The following SH3GL2 variants were observed in gnomAD, a reference collection of about 807,000 sequenced individuals.
SH3GL2 encodes endophilin-A1.
Under a neutral mutation model 46.0 loss-of-function variants are expected in SH3GL2, and 24 were observed. The ratio of observed to expected loss-of-function variants is 0.52; its 90% CI spans 0.38 to 0.73. The LOEUF is 0.73. Ranked by LOEUF, SH3GL2 falls within the 30% of genes least tolerant of loss-of-function variation. The pLI is 0.00. For missense variants in SH3GL2, 413 were observed against 424.2 expected (o/e 0.97, Z 0.23); for synonymous variants, 196 against 147.1 (o/e 1.33, Z -2.40).
chr9:17,634,319 T>G (rs568933766), intron 1 of SH3GL2, among the ~76,000 whole-genome samples: 1 of 151,890 alleles, frequency 6.6e-6, no homozygotes, highest in Non-Finnish European at 1.5e-5. Context: ...TCCTTTTAAC[T>G]ATGAGAAATC....
Position 17,608,400 on chromosome 9 carries a change from C to T in SH3GL2, c.45+29113C>T, listed in dbSNP as rs373983820. The stretch of plus-strand genomic sequence containing the variant: ...TGACCTCGTGATCTGCCCGCCTTGG[C>T]CTCCCAAAGTGTAAACTTTCCTCTT... On this transcript the variant is annotated intron_variant, in intron 1 of 8. Transcript: ENST00000380607. 7.2e-5 allele frequency among the ~76,000 whole-genome samples: 11 copies of T among 152,142 alleles called. No individual in the cohort carries two copies. The East Asian group carries it at 1.4e-3, about 19-fold the overall frequency.
At chr9:17,690,152 A>G (rs1341525753) in intron 1 of SH3GL2, among the ~76,000 whole-genome samples, 6 of 152,120 alleles carry the variant, frequency 3.9e-5, no homozygotes, top group Non-Finnish European at 8.8e-5. Context: ...CAGCAGTTGT[A>G]TACCTCTGAT....
intron 1 of SH3GL2, among the ~76,000 whole-genome samples, chr9:17,710,370 A>G (rs1323363515): frequency 6.6e-6 from 1 of 152,000 alleles, no homozygotes; most frequent in Non-Finnish European, 1.5e-5. Flanking sequence ...TCCTTATAAC[A>G]GCATGAGAAC....
intron 1 of SH3GL2, among the ~76,000 whole-genome samples, chr9:17,626,821 GTC>G (rs2134614570): frequency 6.6e-6 from 1 of 152,288 alleles, no homozygotes; most frequent in Non-Finnish European, 1.5e-5. Context: ...TACCTCCCGT[GTC>G]TCTCATAGAT....
Position 17,588,904 on chromosome 9 carries a change from C to CT in SH3GL2, c.45+9618dup, listed in dbSNP as rs540320984. Among the ~76,000 whole-genome samples the CT allele has an allele frequency of 3.7e-4, 57 of 152,324 alleles. No homozygotes were observed. In the East Asian group the frequency reaches 0.011, roughly 29 times the overall value. On this transcript the variant is annotated intron_variant, in intron 1 of 8. Coordinates refer to ENST00000380607, the MANE Select transcript of SH3GL2 (RefSeq NM_003026.5). Reference sequence around the variant, plus strand: ...GGCTGGAACTTGTAACATGGCCCCTCTGTGGTACACCTAAGAGAAATGGAA... The same window carrying CT: ...GGCTGGAACTTGTAACATGGCCCCTCTTGTGGTACACCTAAGAGAAATGGAA...
chr9:17,729,219 G>A (rs1230322532), intron 1 of SH3GL2, among the ~76,000 whole-genome samples: 10 of 152,154 alleles, frequency 6.6e-5, no homozygotes. Flanking sequence ...AATGACCGGT[G>A]ATGATGAGCT....
At chr9:17,617,208 G>A (rs1174385368) in intron 1 of SH3GL2, among the ~76,000 whole-genome samples, 1 of 152,194 alleles carries the variant, frequency 6.6e-6, no homozygotes, top group Non-Finnish European at 1.5e-5. Flanking sequence ...TAAGGAATAT[G>A]CTATTGGTGG....
At chr9:17,657,794 G>A (rs976268622) in intron 1 of SH3GL2, among the ~76,000 whole-genome samples, 22 of 152,174 alleles carry the variant, frequency 1.4e-4, no homozygotes, top group African/African-American at 4.3e-4. Context: ...GTTAAAATAT[G>A]TGAAGCCCTT....
intron 1 of SH3GL2, chr9:17,735,908 G>A (rs915068520): frequency 2.9e-5 from 5 of 174,940 alleles, no homozygotes; most frequent in African/African-American, 4.8e-5. Flanking sequence ...TGGGGGCAGT[G>A]GACAAGTACA....
intron 1 of SH3GL2, among the ~76,000 whole-genome samples, chr9:17,626,670 AATGTTAT>A (rs1159874306): frequency 6.6e-6 from 1 of 152,080 alleles, no homozygotes; most frequent in African/African-American, 2.4e-5. Flanking sequence ...TTAGATGCAA[AATGTTAT>A]ATGTTTGTAT....
At chr9:17,672,965 A>G (rs759548097) in intron 1 of SH3GL2, among the ~76,000 whole-genome samples, 4 of 152,156 alleles carry the variant, frequency 2.6e-5, no homozygotes, top group African/African-American at 2.4e-5. Context: ...AGAGAAGACT[A>G]CTGCCTGCTC....
chr9:17,735,378 C>T (rs545803866), intron 1 of SH3GL2, among the ~76,000 whole-genome samples: 86 of 152,166 alleles, frequency 5.7e-4, no homozygotes, highest in African/African-American at 2.0e-3. Context: ...CAGAAATGTC[C>T]ATTATTTATA....
chr9:17,766,286 A>G (rs1823316028), intron 3 of SH3GL2, among the ~76,000 whole-genome samples: 1 of 152,244 alleles, frequency 6.6e-6, no homozygotes, highest in African/African-American at 2.4e-5. Context: ...AGACAGCTGT[A>G]AAGTCATCCA....
intron 1 of SH3GL2, among the ~76,000 whole-genome samples, chr9:17,586,500 G>C (rs1169698551): frequency 6.6e-6 from 1 of 152,158 alleles, no homozygotes; most frequent in Non-Finnish European, 1.5e-5. Flanking sequence ...GTATTAGTCT[G>C]TTCTCATGTT....
Position 17,789,441 on chromosome 9 carries a change from A to G in SH3GL2, c.515A>G (p.Lys172Arg). 1 of 1,613,582 alleles carries G rather than the reference A, an allele frequency of 6.2e-7. No individual in the cohort carries two copies. Among genetic ancestry groups the G allele is most frequent in the Non-Finnish European group, 8.5e-7 (1 of 1,179,630 alleles). The change falls in exon 6 of 9, where the codon AAG (lysine) becomes AGG (arginine). Residue 172 changes from lysine to arginine, a missense_variant. Coordinates refer to ENST00000380607, the MANE Select transcript of SH3GL2 (RefSeq NM_003026.5). ...CGACGCCTGGATTTTGATTATAAGAAGAAACGACAAGGCAAGATTCCGGAT... is the reference window on the plus strand; with the variant it reads ...CGACGCCTGGATTTTGATTATAAGAGGAAACGACAAGGCAAGATTCCGGAT... ...EGRRLDFDYK[K>R]KRQGKIPDEE... is the part of the protein sequence containing the mutation.
chr9:17,619,283 C>T (rs1418177061), intron 1 of SH3GL2, among the ~76,000 whole-genome samples: 1 of 152,120 alleles, frequency 6.6e-6, no homozygotes, highest in Admixed American at 6.5e-5. Flanking sequence ...TCCTTATAGC[C>T]TTCTTTCAGC....
intron 1 of SH3GL2, among the ~76,000 whole-genome samples, chr9:17,594,696 C>T (rs1311393124): frequency 2.0e-5 from 3 of 151,990 alleles, no homozygotes; most frequent in African/African-American, 4.8e-5. Flanking sequence ...GTGTAGTGCT[C>T]GGCTCACTGC....
At position 17,789,549 on chromosome 9, in the gene SH3GL2, A is replaced by T; in HGVS notation, c.623A>T (p.Asp208Val). Residue 208 changes from aspartate (D) to valine (V), a missense_variant and splice_region_variant, in exon 6 of 9, where the codon GAT becomes GTT. By Grantham distance (152) the Asp-to-Val change is radical (BLOSUM62 -3). Transcript: ENST00000380607. ...ESSMFNLLEMDIEQVSQLSAL... is the reference protein window; with the variant it reads ...ESSMFNLLEMVIEQVSQLSAL... ...AGCATGTTCAATCTCTTGGAGATGG[A>T]TGTAAGTGACTCCTGTGGTTTTCAA... The T allele has an allele frequency of 6.2e-7, 1 of 1,613,300 alleles. No homozygotes were observed.
intron 1 of SH3GL2, among the ~76,000 whole-genome samples, chr9:17,645,400 T>C (rs1035367550): frequency 2.0e-5 from 3 of 152,140 alleles, no homozygotes; most frequent in East Asian, 1.9e-4. Context: ...ATGTGTGAAT[T>C]TGATCCTTTC....
Sources: gnomAD v4.1 joint callset for allele counts (sites outside exome capture counted in the v4.1 genomes callset) on GRCh38, gnomAD v4.1.1 for gene constraint, MANE v1.5 for transcripts, NCBI Gene and HGNC (gene_info 2026-07-23, HGNC 2026-07-21) for gene names.